PHKB: variants seen among roughly 807,000 people sequenced by gnomAD.
PHKB encodes the protein phosphorylase kinase regulatory subunit beta.
A neutral mutation model predicts 152.1 loss-of-function variants in PHKB; 122 were observed. The ratio of observed to expected loss-of-function variants is 0.80; its 90% CI spans 0.69 to 0.93. The LOEUF (loss-of-function observed/expected upper bound fraction) is 0.93. Among genes scored for constraint, PHKB ranks in the 40% least tolerant of loss-of-function variants. The probability of loss-of-function intolerance (pLI) is 0.00; values close to 1 mark genes in which losing one functional copy is unlikely to be tolerated. For missense variants in PHKB, 1,304 were observed against 1,328.4 expected (o/e 0.98, Z 0.29); for synonymous variants, 436 against 464.9 (o/e 0.94, Z 0.80).
chr16:47,617,512 G>A (rs980330307), intron 14 of PHKB, among the ~76,000 whole-genome samples: 4 of 151,848 alleles, frequency 2.6e-5, no homozygotes, highest in Non-Finnish European at 4.4e-5. Context: ...GCCTATTCTA[G>A]TTACCTCATA....
At chr16:47,692,491 C>T (rs1974078744) in intron 27 of PHKB, among the ~76,000 whole-genome samples, 1 of 152,058 alleles carries the variant, frequency 6.6e-6, no homozygotes, top group East Asian at 1.9e-4. Context: ...TAGTGCATGT[C>T]TGTAATCTTA....
At chr16:47,553,338 C>T (rs922120821) in intron 7 of PHKB, among the ~76,000 whole-genome samples, 8 of 151,874 alleles carry the variant, frequency 5.3e-5, no homozygotes, top group African/African-American at 9.7e-5. Flanking sequence ...CTCTTGATAA[C>T]GTGTGTATGT....
At chr16:47,519,015 A>G (rs2151654231) in intron 6 of PHKB, among the ~76,000 whole-genome samples, 1 of 152,356 alleles carries the variant, frequency 6.6e-6, no homozygotes, top group African/African-American at 2.4e-5. Context: ...TTGTATAACA[A>G]TGAAATTTTG....
At chr16:47,565,038 C>T (rs55797992) in intron 7 of PHKB, 12 of 399,014 alleles carry the variant, frequency 3.0e-5, no homozygotes, top group African/African-American at 6.3e-5. Flanking sequence ...CTCTAATGTT[C>T]CAGGGTGCAG....
At chr16:47,622,332 G>A (rs573601775) in intron 14 of PHKB, among the ~76,000 whole-genome samples, 10 of 151,948 alleles carry the variant, frequency 6.6e-5, no homozygotes, top group Non-Finnish European at 1.5e-5. Flanking sequence ...ATCAATTAAC[G>A]CCTTCTAGCT....
intron 8 of PHKB, among the ~76,000 whole-genome samples, chr16:47,581,974 G>A (rs368813982): frequency 2.6e-5 from 4 of 152,084 alleles, no homozygotes; most frequent in South Asian, 2.1e-4. Flanking sequence ...GCCACTATGC[G>A]CGGCCGACTC....
chr16:47,515,427 G>C (rs991938013), intron 5 of PHKB, 94 bp from the exon 6 acceptor site: 1 of 733,004 alleles, frequency 1.4e-6, no homozygotes, highest in Admixed American at 1.9e-5. Context: ...GACACTATTA[G>C]AGCAAATGAC....
chr16:47,473,399 C>T (rs1009890053), intron 1 of PHKB, among the ~76,000 whole-genome samples: 6 of 151,778 alleles, frequency 4.0e-5, no homozygotes, highest in Non-Finnish European at 8.8e-5. Flanking sequence ...TGAATACATT[C>T]ATACTTGTTC....
At chr16:47,517,417 G>A (rs1347524789) in intron 6 of PHKB, among the ~76,000 whole-genome samples, 2 of 151,686 alleles carry the variant, frequency 1.3e-5, no homozygotes, top group African/African-American at 4.8e-5. Context: ...CACCATGCCC[G>A]GCTAATTTCT....
chr16:47,501,707 C>T (rs1970327726), intron 3 of PHKB, among the ~76,000 whole-genome samples: 2 of 152,118 alleles, frequency 1.3e-5, no homozygotes, highest in Admixed American at 1.3e-4. Flanking sequence ...ATCCTTTTAA[C>T]TTTTTTGTAG....
At chr16:47,594,724 C>G (rs1972088689) in intron 12 of PHKB, among the ~76,000 whole-genome samples, 2 of 152,060 alleles carry the variant, frequency 1.3e-5, no homozygotes, top group African/African-American at 4.8e-5. Flanking sequence ...GGTCAGAAGG[C>G]CCAGTCTTAG....
intron 26 of PHKB, among the ~76,000 whole-genome samples, chr16:47,681,610 T>C (rs1393602523): frequency 6.6e-6 from 1 of 152,092 alleles, no homozygotes; most frequent in Admixed American, 6.6e-5. Flanking sequence ...TTTTTTTGTT[T>C]TCCATTTGCT....
intron 13 of PHKB, among the ~76,000 whole-genome samples, chr16:47,610,264 C>T (rs1264969339): frequency 6.6e-6 from 1 of 151,250 alleles, no homozygotes; most frequent in Admixed American, 6.6e-5. Flanking sequence ...CCACCTCAGC[C>T]TCCCAAAGTG....
At chr16:47,542,933 A>G (rs1385142721) in intron 6 of PHKB, among the ~76,000 whole-genome samples, 1 of 152,234 alleles carries the variant, frequency 6.6e-6, no homozygotes, top group Non-Finnish European at 1.5e-5. Flanking sequence ...ATATACAATC[A>G]TGTCATCTGC....
At chr16:47,682,574 A>G (rs187965569) in intron 26 of PHKB, among the ~76,000 whole-genome samples, 1 of 152,110 alleles carries the variant, frequency 6.6e-6, no homozygotes, top group African/African-American at 2.4e-5. Context: ...AGGCTTCTGC[A>G]TTCTTCACAT....
chr16:47,577,210 G>C (rs987833122), intron 7 of PHKB, among the ~76,000 whole-genome samples: 5 of 151,996 alleles, frequency 3.3e-5, no homozygotes, highest in African/African-American at 1.2e-4. Context: ...AGTGATTGCT[G>C]TAGGTAACAC....
At chr16:47,598,227 T>C (rs1489298530) in intron 13 of PHKB, among the ~76,000 whole-genome samples, 2 of 152,160 alleles carry the variant, frequency 1.3e-5, no homozygotes, top group Admixed American at 1.3e-4. Flanking sequence ...TATTCACTCA[T>C]ATTATTTACC....
At chr16:47,511,542 C>G in intron 4 of PHKB, 123 bp from the exon 5 acceptor site, 1 of 727,420 alleles carries the variant, frequency 1.4e-6, no homozygotes, top group South Asian at 1.5e-5. Flanking sequence ...AACGTTTCTG[C>G]TTTGTTCGGT....
chr16:47,495,822 A>G (rs1434258455), intron 1 of PHKB, among the ~76,000 whole-genome samples: 1 of 152,138 alleles, frequency 6.6e-6, no homozygotes, highest in Non-Finnish European at 1.5e-5. Context: ...CTGTATGTTG[A>G]TAGGTCTCTC....
Sources: gnomAD v4.1 joint callset for allele counts (sites outside exome capture counted in the v4.1 genomes callset) on GRCh38, gnomAD v4.1.1 for gene constraint, MANE v1.5 for transcripts, NCBI Gene and HGNC (gene_info 2026-07-23, HGNC 2026-07-21) for gene names.